The following ANKRD42 variants were observed in gnomAD, a reference collection of about 807,000 sequenced individuals.
The protein encoded by ANKRD42 is ankyrin repeat domain-containing protein 42.
In ANKRD42, 43 loss-of-function variants were observed where a neutral mutation model predicts 51.5. That is an observed-to-expected ratio of 0.83 (90% CI 0.65 to 1.08). The LOEUF (loss-of-function observed/expected upper bound fraction) is 1.08, where lower values mean the gene tolerates loss of function less well. ANKRD42 is among the 50% of genes least tolerant of loss of function. The pLI is 0.00. For missense variants in ANKRD42, 608 were observed against 629.3 expected (o/e 0.97, Z 0.36); for synonymous variants, 203 against 213.0 (o/e 0.95, Z 0.41).
rs564892668 is a variant in ANKRD42 at position 83,228,075 on chromosome 11, C to T, written c.913+203C>T. ...TCTTTTATGATGCCAGATATTCATA[C>T]ATTATCTTATTCAAGGGTAATTCCA... On this transcript the variant is annotated intron_variant, in intron 7 of 10. Transcript: ENST00000533342. 9.4e-4 allele frequency among the ~76,000 whole-genome samples: 143 copies of T among 152,096 alleles called. 1 individual carries two copies. In the South Asian group the frequency reaches 0.021, roughly 22 times the overall value.
At chr11:83,259,142 ATG>A (rs1454263331), downstream of ANKRD42, 1 of 152,238 alleles carries the variant, frequency 6.6e-6, no homozygotes, top group East Asian at 1.9e-4. Flanking sequence ...AGTACCTCAC[ATG>A]TGTCTAGAGG....
At position 83,210,386 on chromosome 11, in the gene ANKRD42, T is replaced by G. The variant is rs770937916; in HGVS notation, c.417T>G (p.Ser139=). 4 of 1,614,054 alleles carry G rather than the reference T, an allele frequency of 2.5e-6. No individual in the cohort carries two copies. The South Asian group carries it at 4.4e-5, about 18-fold the overall frequency. ...PLHLAATHGH[S]FTLQIMLRSG... is the part of the protein sequence containing the mutation. The stretch of plus-strand genomic sequence containing the variant: ...ATCTTGCTGCAACTCATGGACATTC[T>G]TTCACTTTACAAATAATGCTCCGAA... The change falls in exon 4 of 11, where the codon TCT becomes TCG. Residue 139 remains serine, a synonymous_variant. Coordinates refer to ENST00000533342, the MANE Select transcript of ANKRD42 (RefSeq NM_001300975.2).
At chr11:83,231,269 ATATCT>A (rs1313877173) in intron 7 of ANKRD42, among the ~76,000 whole-genome samples, 1 of 152,076 alleles carries the variant, frequency 6.6e-6, no homozygotes, top group Non-Finnish European at 1.5e-5. Flanking sequence ...GGGGGAGATG[ATATCT>A]TATTTGTACT....
intron 2 of ANKRD42, among the ~76,000 whole-genome samples, chr11:83,205,064 A>G (rs766648261): frequency 2.0e-5 from 3 of 152,224 alleles, no homozygotes; most frequent in African/African-American, 4.8e-5. Flanking sequence ...GCTGGTGGGA[A>G]TGTAGAGAGG....
intron 8 of ANKRD42, among the ~76,000 whole-genome samples, chr11:83,238,722 C>T (rs1266892285): frequency 1.1e-4 from 16 of 151,764 alleles, no homozygotes; most frequent in African/African-American, 3.9e-4. Flanking sequence ...CCCAGCTACT[C>T]AGGAGGTTGA....
At chr11:83,195,602 T>C (rs1263090366) in intron 1 of ANKRD42, among the ~76,000 whole-genome samples, 1 of 152,216 alleles carries the variant, frequency 6.6e-6, no homozygotes, top group African/African-American at 2.4e-5. Flanking sequence ...TGTCCTTCAG[T>C]GTTTGCTGTC....
intron 7 of ANKRD42, among the ~76,000 whole-genome samples, chr11:83,228,238 T>C (rs1195463912): frequency 0.017 from 589 of 35,120 alleles, 70 homozygotes; most frequent in South Asian, 0.024. Flanking sequence ...TCTCTTTTTT[T>C]TTTTTTTTTT....
At chr11:83,202,327 T>A (rs1861904027) in intron 2 of ANKRD42, among the ~76,000 whole-genome samples, 2 of 152,176 alleles carry the variant, frequency 1.3e-5, no homozygotes, top group African/African-American at 4.8e-5. Flanking sequence ...CTGAGCACTC[T>A]TGTTCTGTTC....
At chr11:83,217,962 G>T (rs1862593015) in intron 5 of ANKRD42, among the ~76,000 whole-genome samples, 1 of 152,158 alleles carries the variant, frequency 6.6e-6, no homozygotes, top group South Asian at 2.1e-4. Flanking sequence ...AGAACACCGA[G>T]GTTGCCAGGT....
At chr11:83,260,465 G>A (rs1324956512), downstream of ANKRD42, 1 of 152,172 alleles carries the variant, frequency 6.6e-6, no homozygotes, top group Admixed American at 6.5e-5. Flanking sequence ...GAATCAGAAT[G>A]TAACAGGATA....
chr11:83,194,902 T>C (rs1861577135), intron 1 of ANKRD42, among the ~76,000 whole-genome samples, 174 bp downstream of exon 1: 1 of 152,210 alleles, frequency 6.6e-6, no homozygotes, highest in African/African-American at 2.4e-5. Context: ...TGTTCTGTAT[T>C]ATTTCCGCTT....
chr11:83,258,941 A>C (rs1202496432), downstream of ANKRD42, among the ~76,000 whole-genome samples: 1 of 152,196 alleles, frequency 6.6e-6, no homozygotes, highest in Non-Finnish European at 1.5e-5. Flanking sequence ...GGCTATAAAC[A>C]TGGTGAAAGT....
downstream of ANKRD42, among the ~76,000 whole-genome samples, chr11:83,258,065 G>A (rs1863804016): frequency 6.6e-6 from 1 of 152,182 alleles, no homozygotes; most frequent in Non-Finnish European, 1.5e-5. Context: ...GAATGTGGAT[G>A]TGGTGGTGAG....
chr11:83,228,490 G>A (rs694566), intron 7 of ANKRD42, among the ~76,000 whole-genome samples: 107,990 of 151,814 alleles, frequency 0.71, 39,200 homozygotes, highest in African/African-American at 0.84. Flanking sequence ...TTGGCCTCCT[G>A]AAGTGCAGGA....
intron 8 of ANKRD42, among the ~76,000 whole-genome samples, chr11:83,238,489 G>A (rs1403147401): frequency 6.6e-6 from 1 of 152,134 alleles, no homozygotes; most frequent in Non-Finnish European, 1.5e-5. Flanking sequence ...GAGGTGAAGA[G>A]TTCGAGACCA....
chr11:83,232,766 G>C (rs1052317287), intron 7 of ANKRD42, among the ~76,000 whole-genome samples: 6 of 152,084 alleles, frequency 3.9e-5, no homozygotes, highest in Non-Finnish European at 7.4e-5. Context: ...TCTATACCCA[G>C]TTTTTGAGGG....
intron 5 of ANKRD42, among the ~76,000 whole-genome samples, chr11:83,218,282 C>G (rs1016809989): frequency 5.3e-5 from 8 of 152,170 alleles, no homozygotes; most frequent in African/African-American, 1.9e-4. Flanking sequence ...TGATTTGAGT[C>G]AGTATCCTAA....
At chr11:83,220,702 CT>C (rs2135521283) in intron 5 of ANKRD42, among the ~76,000 whole-genome samples, 1 of 152,204 alleles carries the variant, frequency 6.6e-6, no homozygotes, top group African/African-American at 2.4e-5. Flanking sequence ...TTGAAAATGT[CT>C]TTTTCCTTCC....
chr11:83,241,398 T>C (rs961608978), intron 9 of ANKRD42, among the ~76,000 whole-genome samples: 2 of 151,890 alleles, frequency 1.3e-5, no homozygotes, highest in Non-Finnish European at 2.9e-5. Context: ...GATAAGAAAA[T>C]AGATATATAA....
Sources: gnomAD v4.1 joint callset for allele counts (sites outside exome capture counted in the v4.1 genomes callset) on GRCh38, gnomAD v4.1.1 for gene constraint, MANE v1.5 for transcripts, NCBI Gene and HGNC (gene_info 2026-07-23, HGNC 2026-07-21) for gene names.